The following HEPHL1 variants were observed in gnomAD, a reference collection of about 807,000 sequenced individuals.
HEPHL1 encodes ferroxidase HEPHL1.
A neutral mutation model predicts 122.0 loss-of-function variants in HEPHL1; 123 were observed. The ratio of observed to expected loss-of-function variants is 1.01; its 90% CI spans 0.87 to 1.17. The LOEUF (loss-of-function observed/expected upper bound fraction) is 1.17. Among genes scored for constraint, HEPHL1 ranks in the 50% most tolerant of loss-of-function variants. The pLI is 0.00. For missense variants in HEPHL1, 1,452 were observed against 1,430.5 expected (o/e 1.01, Z -0.24); for synonymous variants, 527 against 508.9 (o/e 1.04, Z -0.48).
chr11:94,051,934 A>C (rs1407591068), intron 2 of HEPHL1, among the ~76,000 whole-genome samples: 1 of 152,064 alleles, frequency 6.6e-6, no homozygotes, highest in Non-Finnish European at 1.5e-5. Context: ...CCTTTGTCAA[A>C]AGTTAGTTCA....
At chr11:94,106,249 C>G in intron 17 of HEPHL1, 119 bp downstream of exon 17, 1 of 659,118 alleles carries the variant, frequency 1.5e-6, no homozygotes. Flanking sequence ...GAGAATGGAA[C>G]AGAATAATGT....
At chr11:94,055,351 T>A (rs1409593060) in intron 2 of HEPHL1, 1 of 236,514 alleles carries the variant, frequency 4.2e-6, no homozygotes, top group Non-Finnish European at 8.6e-6. Flanking sequence ...TCATCCAAGA[T>A]GAGCTCAAAG....
Position 94,093,585 on chromosome 11 carries a change from A to C in HEPHL1, c.2379A>C (p.Gly793=). 6.2e-7 allele frequency: 1 copy of C among 1,613,838 alleles called. No homozygotes were observed. The highest frequency in any genetic ancestry group is 8.5e-7 in the Non-Finnish European group (1 of 1,179,848). Residue 793 remains glycine (G), a synonymous_variant, in exon 13 of 20, where the codon GGA becomes GGC. Transcript: ENST00000315765. ...TGGTTTACAGGGAATATACGGATGG[A>C]GAATTTGTGGAGATCAAAGCCCGAC... ...KKVVYREYTD[G]EFVEIKARPP... is the part of the protein sequence containing the mutation.
rs911744854 is a variant in HEPHL1 at position 94,037,459 on chromosome 11, A to C, written c.171-8214A>C. Among the ~76,000 whole-genome samples the C allele has an allele frequency of 2.0e-3, 299 of 152,210 alleles. 2 individuals carry two copies. Among genetic ancestry groups the C allele is most frequent in the Non-Finnish European group, 3.9e-3 (266 of 68,002 alleles). ...AGACAGCAGTAACCTCTGCAGACTT[A>C]AATGTCCCTGTCTGACAGCTTTGAA... On this transcript the variant is annotated intron_variant, in intron 1 of 19. Coordinates refer to ENST00000315765, the MANE Select transcript of HEPHL1 (RefSeq NM_001098672.2).
At chr11:94,058,425 A>G (rs543792766) in intron 2 of HEPHL1, among the ~76,000 whole-genome samples, 4 of 152,296 alleles carry the variant, frequency 2.6e-5, no homozygotes, top group Middle Eastern at 3.4e-3. Context: ...GCTTAATTCA[A>G]CTTAGTGTTT....
intron 2 of HEPHL1, among the ~76,000 whole-genome samples, chr11:94,057,083 T>C (rs1021866669): frequency 1.3e-5 from 2 of 152,184 alleles, no homozygotes; most frequent in Non-Finnish European, 2.9e-5. Context: ...TCTCATTGTC[T>C]TCTGGGTTCG....
chr11:94,055,162 G>T, intron 2 of HEPHL1: 1 of 221,162 alleles, frequency 4.5e-6, no homozygotes, highest in Non-Finnish European at 9.1e-6. Flanking sequence ...GGTGGCCAGT[G>T]AATTGGCACT....
intron 10 of HEPHL1, among the ~76,000 whole-genome samples, chr11:94,084,560 G>C (rs1034372199): frequency 1.3e-5 from 2 of 152,026 alleles, no homozygotes; most frequent in African/African-American, 4.8e-5. Flanking sequence ...TTTGTGTTGT[G>C]TTTATTATAT....
intron 1 of HEPHL1, among the ~76,000 whole-genome samples, chr11:94,044,817 C>T (rs1945819147): frequency 1.4e-5 from 2 of 147,550 alleles, no homozygotes; most frequent in Admixed American, 6.8e-5. Flanking sequence ...GGCTAGAGTG[C>T]AGTGGTGCGA....
rs969737820 is a variant in HEPHL1 at position 94,057,182 on chromosome 11, C to A, written c.416-6326C>A. Among the ~76,000 whole-genome samples the A allele has an allele frequency of 4.6e-5, 7 of 152,188 alleles. No individual in the cohort carries two copies. In the East Asian group the frequency reaches 1.2e-3, roughly 25 times the overall value. On this transcript the variant is annotated intron_variant, in intron 2 of 19. Coordinates refer to ENST00000315765, the MANE Select transcript of HEPHL1 (RefSeq NM_001098672.2). ...TTTGTCTATCTGATTTCAATATTAT[C>A]TTTTTGTCTTCCTTTCCTCTTTCCA...
chr11:94,093,682 T>C (rs753454641), intron 13 of HEPHL1, 42 bp downstream of exon 13: 3 of 1,597,686 alleles, frequency 1.9e-6, no homozygotes, highest in Non-Finnish European at 2.6e-6. Flanking sequence ...GCCCCAAGCA[T>C]GTGCATGCAC....
intron 1 of HEPHL1, among the ~76,000 whole-genome samples, chr11:94,035,376 T>A (rs1167274519): frequency 2.6e-5 from 4 of 152,260 alleles, no homozygotes; most frequent in Non-Finnish European, 4.4e-5. Flanking sequence ...GCCCAGTACT[T>A]TGCATGCTAT....
intron 13 of HEPHL1, 138 bp downstream of exon 13, chr11:94,093,778 T>G: frequency 1.0e-6 from 1 of 956,816 alleles, no homozygotes. Context: ...AAGTGTAATA[T>G]CTTCCTGCTC....
chr11:94,055,947 G>A (rs2032399), intron 2 of HEPHL1: 830,158 of 1,283,962 alleles, frequency 0.65, 269,904 homozygotes, highest in South Asian at 0.7. Context: ...AAACTTGCCA[G>A]TGGACTCTAA....
At chr11:94,101,560 C>T (rs2134451888) in intron 14 of HEPHL1, among the ~76,000 whole-genome samples, 1 of 152,272 alleles carries the variant, frequency 6.6e-6, no homozygotes, top group South Asian at 2.1e-4. Flanking sequence ...ACATCCCCCA[C>T]CAGAGTAGTA....
Position 94,025,922 on chromosome 11 carries a change from C to G in HEPHL1, c.170+4384C>G, listed in dbSNP as rs575540935. The stretch of plus-strand genomic sequence containing the variant: ...ATATGAATCTCTGGGAACTGCTGTT[C>G]TACCCTATATCAGTAAGTGATTGTT... On this transcript the variant is annotated intron_variant, in intron 1 of 19. Coordinates refer to ENST00000315765, the MANE Select transcript of HEPHL1 (RefSeq NM_001098672.2). 7.1e-4 allele frequency among the ~76,000 whole-genome samples: 108 copies of G among 152,332 alleles called. 1 individual carries two copies. The highest frequency in any genetic ancestry group is 2.5e-3 in the African/African-American group (103 of 41,570).
At chr11:94,046,091 C>CT (rs755367459) in intron 2 of HEPHL1, among the ~76,000 whole-genome samples, 174 bp downstream of exon 2, 797 of 64,934 alleles carry the variant, frequency 0.012, 113 homozygotes, top group African/African-American at 0.049. Context: ...CCCTTTCTTG[C>CT]TTTTTTTTTT....
intron 5 of HEPHL1, among the ~76,000 whole-genome samples, chr11:94,069,504 A>G (rs976163929): frequency 6.6e-6 from 1 of 152,126 alleles, no homozygotes; most frequent in Admixed American, 6.6e-5. Flanking sequence ...CCTATTTTCT[A>G]TTTCTTAATA....
chr11:94,044,916 T>A (rs968493065), intron 1 of HEPHL1, among the ~76,000 whole-genome samples: 2 of 151,802 alleles, frequency 1.3e-5, no homozygotes, highest in African/African-American at 4.9e-5. Flanking sequence ...TGAGCCACTA[T>A]GCCTGGCTAT....
Sources: gnomAD v4.1 joint callset for allele counts (sites outside exome capture counted in the v4.1 genomes callset) on GRCh38, gnomAD v4.1.1 for gene constraint, MANE v1.5 for transcripts, NCBI Gene and HGNC (gene_info 2026-07-23, HGNC 2026-07-21) for gene names.